The following JAM2 variants were observed in gnomAD, a reference collection of about 807,000 sequenced individuals.
JAM2 encodes junctional adhesion molecule B.
Under a neutral mutation model 42.0 loss-of-function variants are expected in JAM2, and 17 were observed. The ratio of observed to expected loss-of-function variants is 0.40; its 90% confidence interval spans 0.28 to 0.61. JAM2 has a LOEUF of 0.61. Ranked by LOEUF, JAM2 falls within the 20% of genes least tolerant of loss-of-function variation. JAM2 has a pLI of 0.37. For synonymous variants in JAM2, 118 were observed against 128.6 expected, an observed-to-expected ratio of 0.92 and a Z score of 0.56; for missense variants, 319 against 358.3, an observed-to-expected ratio of 0.89 and a Z score of 0.89.
rs1600997527 is a variant in JAM2 at position 25,655,407 on chromosome 21, A to G, written c.67+15519A>G. 2.8e-5 allele frequency among the ~76,000 whole-genome samples: 3 copies of G among 106,318 alleles called. No homozygotes were observed. In the South Asian group the frequency reaches 8.4e-4, roughly 30 times the overall value. The allele number at this position is 106,318 out of a possible 152,430, so 69.7% of individuals were successfully genotyped here. A position where few individuals can be genotyped will look rare whatever the true frequency, so the allele number is the denominator to read the frequency against. On this transcript the variant is annotated intron_variant, in intron 1 of 9. Coordinates refer to ENST00000480456, the MANE Select transcript of JAM2 (RefSeq NM_021219.4). ...CCCTCTGGTCTTTTTTGTATGCTCC[A>G]CTTTTCACCCTATAGGTTTAAAGAG...
chr21:25,691,093 T>G (rs766780322), intron 3 of JAM2, among the ~76,000 whole-genome samples: 1 of 152,230 alleles, frequency 6.6e-6, no homozygotes, highest in Non-Finnish European at 1.5e-5. Flanking sequence ...CTTTCCATTA[T>G]AAATATTTCT....
rs563030978 is a variant in JAM2 at position 25,697,796 on chromosome 21, G to T, written c.395-881G>T. Among the ~76,000 whole-genome samples, 6 of 152,072 alleles carry T rather than the reference G, an allele frequency of 3.9e-5. 2 individuals are homozygous for T. In the South Asian group the frequency reaches 1.2e-3, roughly 32 times the overall value. On this transcript the variant is annotated intron_variant, in intron 4 of 9. Transcript: ENST00000480456. ...GGCTCGAGCCTATATTCCAGCTACT[G>T]GGGAGGTTGAGGTGGAAGGATCAAT...
chr21:25,695,885 G>A (rs1489995783), intron 4 of JAM2, among the ~76,000 whole-genome samples: 11 of 151,220 alleles, frequency 7.3e-5, no homozygotes, highest in East Asian at 2.0e-4. Flanking sequence ...CCGGGAAGAG[G>A]CGCTCCTCAC....
At chr21:25,646,787 G>T (rs894629968) in intron 1 of JAM2, among the ~76,000 whole-genome samples, 19 of 152,220 alleles carry the variant, frequency 1.2e-4, no homozygotes, top group Non-Finnish European at 2.6e-4. Flanking sequence ...CCTCTTAGCT[G>T]TCCATTGTCT....
chr21:25,693,893 A>G lies in JAM2; in HGVS notation c.379A>G (p.Thr127Ala). ...CCAAAACCTGGAAGAGGATACAGTC[A>G]CTCTGGAAGTATTAGGTGATGTGCA... ...QGQNLEEDTV[T>A]LEVLVAPAVP... The change falls in exon 4 of 10, where the codon ACT (threonine) becomes GCT (alanine). Residue 127 changes from threonine (T) to alanine (A), a missense_variant. Coordinates refer to ENST00000480456, the MANE Select transcript of JAM2 (RefSeq NM_021219.4). 2.5e-6 allele frequency: 4 copies of G among 1,614,068 alleles called. No individual in the cohort carries two copies. Among genetic ancestry groups the G allele is most frequent in the Non-Finnish European group, 8.5e-7 (1 of 1,179,986 alleles).
chr21:25,675,142 A>G (rs1218182256), intron 1 of JAM2, among the ~76,000 whole-genome samples: 1 of 152,128 alleles, frequency 6.6e-6, no homozygotes, highest in South Asian at 2.1e-4. Context: ...GGCGTCTCAC[A>G]TGGTGTGACA....
At chr21:25,670,576 G>A (rs1190104683) in intron 1 of JAM2, among the ~76,000 whole-genome samples, 1 of 152,102 alleles carries the variant, frequency 6.6e-6, no homozygotes, top group East Asian at 1.9e-4. Context: ...AGGTCCCACT[G>A]ATTTTAATGT....
intron 1 of JAM2, among the ~76,000 whole-genome samples, chr21:25,683,226 A>G (rs1221077625): frequency 6.6e-6 from 1 of 152,152 alleles, no homozygotes; most frequent in African/African-American, 2.4e-5. Context: ...TAAGGGAGTG[A>G]TAATAAGCAA....
In JAM2 at chr21:25,698,799, A is replaced by G. The variant is rs898348605; in HGVS notation, c.517A>G (p.Ile173Val). The G allele has an allele frequency of 5.6e-6, 9 of 1,614,090 alleles. No homozygotes were observed. Among genetic ancestry groups the G allele is most frequent in the African/African-American group, 1.3e-5 (1 of 74,926 alleles). ...APEYTWFKDG[I>V]RLLENPRLGS... ...TGAATACACATGGTTTAAGGATGGC[A>G]TCCGTTTGCTAGAAAATCCCAGACT... The change falls in exon 5 of 10, where the codon ATC becomes GTC. Residue 173 changes from isoleucine (I) to valine (V), a missense_variant. Physicochemically the swap from Ile to Val is conservative, Grantham distance 29. Coordinates refer to ENST00000480456, the MANE Select transcript of JAM2 (RefSeq NM_021219.4).
intron 1 of JAM2, among the ~76,000 whole-genome samples, chr21:25,667,249 C>T (rs1402788977): frequency 2.6e-5 from 4 of 152,308 alleles, no homozygotes; most frequent in Admixed American, 2.6e-4. Flanking sequence ...ATTGCCTGTT[C>T]CTGTCATCCA....
At position 25,649,358 on chromosome 21, in the gene JAM2, T is replaced by C. The variant is rs113361134; in HGVS notation, c.67+9470T>C. Reference sequence around the variant, plus strand: ...ATGGCAGAAGGGGAAGCAAACACATTCTTCTTTACTTGATGGCCGGAAGCA... The same window carrying C: ...ATGGCAGAAGGGGAAGCAAACACATCCTTCTTTACTTGATGGCCGGAAGCA... On this transcript the variant is annotated intron_variant, in intron 1 of 9. Coordinates refer to ENST00000480456, the MANE Select transcript of JAM2 (RefSeq NM_021219.4). Among the ~76,000 whole-genome samples the C allele has an allele frequency of 4.1e-4, 62 of 152,260 alleles. 1 individual carries two copies. Among genetic ancestry groups the C allele is most frequent in the Middle Eastern group, 3.4e-3 (1 of 294 alleles).
rs1460723348 is a variant in JAM2 at position 25,693,654 on chromosome 21, G to A, written c.242-102G>A. On this transcript the variant is annotated intron_variant, in intron 3 of 9. Coordinates refer to ENST00000480456, the MANE Select transcript of JAM2 (RefSeq NM_021219.4). ...GCTTTAAACTTGAGTTTATTAAAAGGGAAATAAATGCTTTGGTTACTAAAT... is the reference window on the plus strand; with the variant it reads ...GCTTTAAACTTGAGTTTATTAAAAGAGAAATAAATGCTTTGGTTACTAAAT... The A allele has an allele frequency of 9.6e-6, 9 of 934,228 alleles. No individual in the cohort carries two copies. In the South Asian group the frequency reaches 1.6e-4, roughly 16 times the overall value. 57.9% of individuals were successfully genotyped at this position (934,228 alleles called of 1,614,324 possible). A position where few individuals can be genotyped will look rare whatever the true frequency, so the allele number is the denominator to read the frequency against.
intron 7 of JAM2, among the ~76,000 whole-genome samples, chr21:25,706,602 G>A (rs565295577): frequency 3.3e-5 from 5 of 152,336 alleles, no homozygotes; most frequent in African/African-American, 1.2e-4. Context: ...AGGGAGAAAA[G>A]GCAGAACTGC....
Position 25,683,883 on chromosome 21 carries a change from A to T in JAM2, c.68A>T (p.Tyr23Phe). 6.3e-7 allele frequency: 1 copy of T among 1,598,388 alleles called. No homozygotes were observed. The highest frequency in any genetic ancestry group is 8.6e-7 in the Non-Finnish European group (1 of 1,166,552). The change falls in exon 2 of 10, where the codon TAT (tyrosine) becomes TTT (phenylalanine). Residue 23 changes from tyrosine (Y) to phenylalanine (F), a missense_variant and splice_region_variant. Tyr to Phe is a conservative substitution (Grantham distance 22). Transcript: ENST00000480456. ...LLRYLVVALG[Y>F]HKAYGFSAPK... Reference sequence around the variant, plus strand: ...TATCCTATCTGTTTTAATCTTTCAGATCATAAGGCCTATGGGTTTTCTGCC... The same window carrying T: ...TATCCTATCTGTTTTAATCTTTCAGTTCATAAGGCCTATGGGTTTTCTGCC...
At position 25,712,324 on chromosome 21, in the gene JAM2, T is replaced by C. The variant is rs756109906; in HGVS notation, c.822-16T>C. 3.2e-6 allele frequency: 5 copies of C among 1,563,656 alleles called. No individual in the cohort carries two copies. The highest frequency in any genetic ancestry group is 3.5e-6 in the Non-Finnish European group (4 of 1,135,616). ...TGATAATGTAGTAAATATTGTCTTT[T>C]ATATTCCACAAACAGGAAGAGTAAT... On this transcript the variant is annotated splice_polypyrimidine_tract_variant and intron_variant, in intron 8 of 9. Coordinates refer to ENST00000480456, the MANE Select transcript of JAM2 (RefSeq NM_021219.4).
chr21:25,650,237 A>C (rs1279559269), intron 1 of JAM2, among the ~76,000 whole-genome samples: 1 of 152,210 alleles, frequency 6.6e-6, no homozygotes, highest in Non-Finnish European at 1.5e-5. Context: ...TTCATTTCCA[A>C]ATCAAAGATG....
rs1230941179 is a variant in JAM2 at position 25,698,786 on chromosome 21, G to A, written c.504G>A (p.Trp168Ter). The A allele has an allele frequency of 6.2e-7, 1 of 1,613,946 alleles. No homozygotes were observed. The highest frequency in any genetic ancestry group is 8.5e-7 in the Non-Finnish European group (1 of 1,179,942). The change falls in exon 5 of 10, where the codon TGG becomes TGA. Residue 168 changes from tryptophan to a stop codon, truncating the protein, a stop_gained. Transcript: ENST00000480456. LOFTEE classifies it high-confidence loss of function. ...GGAATCCAGCTCCTGAATACACATGGTTTAAGGATGGCATCCGTTTGCTAG... is the reference window on the plus strand; with the variant it reads ...GGAATCCAGCTCCTGAATACACATGATTTAAGGATGGCATCCGTTTGCTAG... The part of the protein sequence containing the change: ...KEGNPAPEYT[W>*]FKDGIRLLEN...
At chr21:25,686,634 C>G (rs1352122344) in intron 2 of JAM2, among the ~76,000 whole-genome samples, 4 of 152,214 alleles carry the variant, frequency 2.6e-5, no homozygotes, top group African/African-American at 9.6e-5. Flanking sequence ...GAGCAGCCCT[C>G]TGCAAAGGGA....
intron 1 of JAM2, among the ~76,000 whole-genome samples, chr21:25,674,548 A>G (rs2033438525): frequency 6.6e-6 from 1 of 152,190 alleles, no homozygotes; most frequent in Admixed American, 6.5e-5. Flanking sequence ...ATTTATTCAT[A>G]GTGAAAATTA....
Sources: gnomAD v4.1 joint callset for allele counts (sites outside exome capture counted in the v4.1 genomes callset) on GRCh38, gnomAD v4.1.1 for gene constraint, MANE v1.5 for transcripts, NCBI Gene and HGNC (gene_info 2026-07-23, HGNC 2026-07-21) for gene names.